The following TBC1D19 variants were observed in gnomAD, a reference collection of about 807,000 sequenced individuals.
TBC1D19 encodes TBC1 domain family, member 19.
TBC1D19 carries 60 observed loss-of-function variants against 89.0 expected under a neutral mutation model. The observed-to-expected ratio is 0.67, with a 90% confidence interval of 0.55 to 0.84. The LOEUF (loss-of-function observed/expected upper bound fraction) is 0.84. Ranked by LOEUF, TBC1D19 falls within the 40% of genes least tolerant of loss-of-function variation. The probability of loss-of-function intolerance (pLI) is 0.00; values close to 1 mark genes in which losing one functional copy is unlikely to be tolerated. For synonymous variants in TBC1D19, 189 were observed against 199.7 expected (o/e 0.95, Z 0.45); for missense variants, 500 against 610.8 (o/e 0.82, Z 1.91).
chr4:26,809,117 T>C, the TBC1D19 span, among the ~76,000 whole-genome samples: 1 of 152,094 alleles, frequency 6.6e-6, no homozygotes, highest in Non-Finnish European at 1.5e-5. Context: ...TGCCATGAAG[T>C]GATGAGTTTT....
chr4:26,597,503 T>C (rs1321472082), intron 1 of TBC1D19, among the ~76,000 whole-genome samples: 1 of 151,104 alleles, frequency 6.6e-6, no homozygotes, highest in Non-Finnish European at 1.5e-5. Context: ...TTCTTAAAAA[T>C]CCAGACTGAC....
At chr4:26,818,395 T>C in the TBC1D19 span, among the ~76,000 whole-genome samples, 2 of 151,808 alleles carry the variant, frequency 1.3e-5, no homozygotes, top group East Asian at 3.9e-4. Flanking sequence ...GCCTGGCTAA[T>C]TTTTTGTATT....
the TBC1D19 span, among the ~76,000 whole-genome samples, chr4:26,814,226 G>A: frequency 2.0e-5 from 3 of 152,180 alleles, no homozygotes; most frequent in South Asian, 6.2e-4. Flanking sequence ...TTGAATTGAG[G>A]ATGCAAGTCA....
the TBC1D19 span, among the ~76,000 whole-genome samples, chr4:26,833,984 G>C: frequency 6.7e-6 from 1 of 150,142 alleles, no homozygotes; most frequent in African/African-American, 2.4e-5. Flanking sequence ...GGAAGGGCCT[G>C]GTGGGAGGCA....
At chr4:26,641,972 A>G (rs946326437) in intron 7 of TBC1D19, among the ~76,000 whole-genome samples, 1 of 152,248 alleles carries the variant, frequency 6.6e-6, no homozygotes, top group African/African-American at 2.4e-5. Flanking sequence ...CCTGAAAGTG[A>G]CAAGGAGAAT....
chr4:26,704,837 T>C (rs1322280042), intron 13 of TBC1D19, among the ~76,000 whole-genome samples: 5 of 152,162 alleles, frequency 3.3e-5, no homozygotes, highest in Non-Finnish European at 7.4e-5. Flanking sequence ...TTTGAGGAAG[T>C]GTCATACTGT....
intron 9 of TBC1D19, among the ~76,000 whole-genome samples, chr4:26,668,340 C>T (rs1304150831): frequency 6.6e-6 from 1 of 151,844 alleles, no homozygotes; most frequent in African/African-American, 2.4e-5. Context: ...CTTTAGAAGA[C>T]TTAATATACT....
At chr4:26,835,969 G>A in the TBC1D19 span, among the ~76,000 whole-genome samples, 4 of 140,572 alleles carry the variant, frequency 2.8e-5, no homozygotes, top group Non-Finnish European at 4.6e-5. Context: ...TCTTGCATGT[G>A]AAGTGCTCTC....
At chr4:26,781,228 G>A in the TBC1D19 span, among the ~76,000 whole-genome samples, 28 of 152,258 alleles carry the variant, frequency 1.8e-4, no homozygotes, top group Admixed American at 1.3e-4. Context: ...AAGTTTGAGG[G>A]CCATTGCTTT....
the TBC1D19 span, among the ~76,000 whole-genome samples, chr4:26,828,358 C>T: frequency 2.6e-5 from 4 of 152,176 alleles, no homozygotes; most frequent in Non-Finnish European, 5.9e-5. Flanking sequence ...GCTAGAACTC[C>T]GTTACTGGAG....
At chr4:26,623,162 C>T (rs759467802) in intron 4 of TBC1D19, among the ~76,000 whole-genome samples, 5 of 152,292 alleles carry the variant, frequency 3.3e-5, no homozygotes, top group Non-Finnish European at 5.9e-5. Flanking sequence ...TTCTTCCTTA[C>T]GTTTCATAAT....
At chr4:26,654,572 T>C (rs1744655895) in intron 7 of TBC1D19, among the ~76,000 whole-genome samples, 1 of 152,162 alleles carries the variant, frequency 6.6e-6, no homozygotes, top group East Asian at 1.9e-4. Context: ...TTTGTTGACA[T>C]TTCTTTTCAT....
chr4:26,692,136 C>T (rs1714345044), intron 13 of TBC1D19, among the ~76,000 whole-genome samples: 1 of 152,108 alleles, frequency 6.6e-6, no homozygotes, highest in Non-Finnish European at 1.5e-5. Context: ...AGCTTCAATT[C>T]AGCCATGTGT....
chr4:26,731,207 T>C (rs1717642264), intron 15 of TBC1D19, among the ~76,000 whole-genome samples: 2 of 152,098 alleles, frequency 1.3e-5, no homozygotes, highest in African/African-American at 4.8e-5. Context: ...ATCAAGGCTA[T>C]CAGGGAGATC....
chr4:26,772,101 C>T, the TBC1D19 span, among the ~76,000 whole-genome samples: 1 of 148,946 alleles, frequency 6.7e-6, no homozygotes, highest in African/African-American at 2.5e-5. Context: ...GTGAATTTGA[C>T]ATAAGGTAGT....
chr4:26,644,033 C>T (rs1200266866), intron 7 of TBC1D19, among the ~76,000 whole-genome samples: 1 of 152,088 alleles, frequency 6.6e-6, no homozygotes, highest in African/African-American at 2.4e-5. Context: ...GAAACTATTC[C>T]AATCAATAGA....
chr4:26,616,588 T>C (rs530991987), intron 3 of TBC1D19, among the ~76,000 whole-genome samples: 2 of 152,216 alleles, frequency 1.3e-5, no homozygotes, highest in African/African-American at 4.8e-5. Flanking sequence ...CAATGGGAGA[T>C]AAAAAATACA....
At chr4:26,731,275 G>A (rs982110731) in intron 15 of TBC1D19, among the ~76,000 whole-genome samples, 3 of 152,112 alleles carry the variant, frequency 2.0e-5, no homozygotes, top group African/African-American at 7.2e-5. Flanking sequence ...CAGGGCCAGA[G>A]GTAGAGGAGA....
At chr4:26,764,839 G>A in the TBC1D19 span, among the ~76,000 whole-genome samples, 3 of 152,164 alleles carry the variant, frequency 2.0e-5, no homozygotes, top group African/African-American at 7.2e-5. Context: ...AATTTTGAAG[G>A]CACATAACGT....
Sources: gnomAD v4.1 joint callset for allele counts (sites outside exome capture counted in the v4.1 genomes callset) on GRCh38, gnomAD v4.1.1 for gene constraint, MANE v1.5 for transcripts, NCBI Gene and HGNC (gene_info 2026-07-23, HGNC 2026-07-21) for gene names.